The following LRRC4C variants were observed in gnomAD, a reference collection of about 807,000 sequenced individuals.
LRRC4C encodes leucine rich repeat containing 4C.
LRRC4C carries 5 observed loss-of-function variants against 33.6 expected under a neutral mutation model. That is an observed-to-expected ratio of 0.15 (90% CI 0.08 to 0.31). The LOEUF is 0.31. Ranked by LOEUF, LRRC4C falls within the 10% of genes least tolerant of loss-of-function variation. The pLI is 1.00. For synonymous variants in LRRC4C, 329 were observed against 302.0 expected (o/e 1.09, Z -0.93); for missense variants, 560 against 796.7 (o/e 0.70, Z 3.58).
intron 4 of LRRC4C, chr11:40,293,380 T>C (rs1217718943): frequency 6.6e-6 from 1 of 151,732 alleles, no homozygotes; most frequent in African/African-American, 2.4e-5. Flanking sequence ...CTCCAGGTGT[T>C]GCAGAACTCC....
At chr11:40,318,920 A>G (rs1484648134) in intron 4 of LRRC4C, among the ~76,000 whole-genome samples, 1 of 152,192 alleles carries the variant, frequency 6.6e-6, no homozygotes, top group African/African-American at 2.4e-5. Context: ...AGGTGGAAAA[A>G]ATTTTGCCTA....
Position 41,002,817 on chromosome 11 carries a change from T to C in LRRC4C, c.-495-69094A>G, listed in dbSNP as rs1220060873. Among the ~76,000 whole-genome samples, 3 of 152,104 alleles carry C rather than the reference T, an allele frequency of 2.0e-5. 1 individual carries two copies. Among genetic ancestry groups the C allele is most frequent in the East Asian group, 1.9e-4 (1 of 5,186 alleles). On this transcript the variant is annotated intron_variant, in intron 1 of 6. Coordinates refer to ENST00000528697, the MANE Select transcript of LRRC4C (RefSeq NM_001258419.2). The stretch of plus-strand genomic sequence containing the variant: ...GTAGTATGGAGAAATGCTCAGGATA[T>C]GTGTTAAGTGAAAAAAGCAGAAGAT...
chr11:41,118,413 A>G (rs1427770480), intron 1 of LRRC4C, among the ~76,000 whole-genome samples: 1 of 152,196 alleles, frequency 6.6e-6, no homozygotes, highest in Non-Finnish European at 1.5e-5. Flanking sequence ...GGTGGGAGCT[A>G]GAATCAAAGA....
intron 6 of LRRC4C, among the ~76,000 whole-genome samples, chr11:40,140,209 G>A (rs2081562523): frequency 6.6e-6 from 1 of 152,162 alleles, no homozygotes; most frequent in South Asian, 2.1e-4. Flanking sequence ...ATTTAATGAT[G>A]ATACAATAAA....
intron 1 of LRRC4C, among the ~76,000 whole-genome samples, chr11:41,003,396 A>T (rs1378497857): frequency 6.6e-6 from 1 of 152,190 alleles, no homozygotes; most frequent in African/African-American, 2.4e-5. Context: ...ACAAGATAGT[A>T]TTCATATAAA....
At chr11:40,877,059 G>GT (rs1954931304) in intron 2 of LRRC4C, among the ~76,000 whole-genome samples, 1 of 152,074 alleles carries the variant, frequency 6.6e-6, no homozygotes, top group African/African-American at 2.4e-5. Flanking sequence ...GCAAACAGAT[G>GT]TAAGGGCATG....
chr11:41,393,842 G>A (rs1953698987), intron 1 of LRRC4C, among the ~76,000 whole-genome samples: 1 of 151,960 alleles, frequency 6.6e-6, no homozygotes, highest in Non-Finnish European at 1.5e-5. Flanking sequence ...TAGTATTAGT[G>A]CTGCTAGCAT....
intron 3 of LRRC4C, among the ~76,000 whole-genome samples, chr11:40,332,052 T>A (rs995577206): frequency 1.3e-5 from 2 of 152,250 alleles, no homozygotes; most frequent in Non-Finnish European, 2.9e-5. Context: ...ATTTCTGTGA[T>A]GAAGCTTTTT....
intron 2 of LRRC4C, among the ~76,000 whole-genome samples, chr11:40,778,431 G>C (rs1312467463): frequency 6.6e-6 from 1 of 152,166 alleles, no homozygotes; most frequent in Non-Finnish European, 1.5e-5. Flanking sequence ...GTGCAAAATG[G>C]TTGAATCTTT....
rs77270339 is a variant in LRRC4C, at chr11:40,791,705, G to A, written c.-407+141930C>T. Among the ~76,000 whole-genome samples the A allele has an allele frequency of 7.6e-4, 115 of 152,214 alleles. 2 individuals are homozygous for A. The East Asian group carries it at 0.02, about 27-fold the overall frequency. ...TTCATCGTGATCTATGAGTGGGAGG[G>A]GGATTGTGGAAAGAAAATAAAGCAG... On this transcript the variant is annotated intron_variant, in intron 2 of 6. Coordinates refer to ENST00000528697, the MANE Select transcript of LRRC4C (RefSeq NM_001258419.2).
intron 1 of LRRC4C, among the ~76,000 whole-genome samples, chr11:41,331,934 T>C (rs1951308253): frequency 6.6e-6 from 1 of 152,220 alleles, no homozygotes. Context: ...ACAGCCACTC[T>C]ATCTAAAATT....
In LRRC4C at chr11:40,783,291, T is replaced by C. The variant is rs181843643; in HGVS notation, c.-406-135013A>G. Among the ~76,000 whole-genome samples the C allele has an allele frequency of 2.8e-3, 423 of 151,774 alleles. 1 individual carries two copies. Among genetic ancestry groups the C allele is most frequent in the African/African-American group, 8.7e-3 (359 of 41,382 alleles). ...CACTGTTTTATTTTATTTTATTTTATTTTATTTTATTTTTTATTTTTTGAG... is the reference window on the plus strand; with the variant it reads ...CACTGTTTTATTTTATTTTATTTTACTTTATTTTATTTTTTATTTTTTGAG... On this transcript the variant is annotated intron_variant, in intron 2 of 6. Transcript: ENST00000528697.
At chr11:41,001,862 C>CA (rs1432128969) in intron 1 of LRRC4C, among the ~76,000 whole-genome samples, 7 of 91,942 alleles carry the variant, frequency 7.6e-5, no homozygotes, top group African/African-American at 2.8e-4. Flanking sequence ...TGGTCTGTGA[C>CA]ATTTTTTTTT....
intron 1 of LRRC4C, among the ~76,000 whole-genome samples, chr11:41,296,786 C>T (rs971907921): frequency 3.3e-5 from 5 of 151,976 alleles, no homozygotes; most frequent in African/African-American, 4.8e-5. Context: ...TCTTTATGTC[C>T]GGAAGAAAAA....
intron 1 of LRRC4C, chr11:41,222,877 G>GTGTGTACT (rs1947370182): frequency 6.6e-6 from 1 of 151,226 alleles, no homozygotes; most frequent in East Asian, 1.9e-4. Flanking sequence ...CCAGGCTGGG[G>GTGTGTACT]TGTGTACTTT....
At chr11:41,387,204 C>T (rs368776606) in intron 1 of LRRC4C, among the ~76,000 whole-genome samples, 1 of 151,104 alleles carries the variant, frequency 6.6e-6, no homozygotes, top group Non-Finnish European at 1.5e-5. Context: ...GAGATGATAA[C>T]TTTTTTTTAA....
intron 2 of LRRC4C, among the ~76,000 whole-genome samples, chr11:40,881,659 CTTTTT>C (rs57939811): frequency 1.4e-5 from 2 of 145,374 alleles, no homozygotes; most frequent in African/African-American, 5.0e-5. Context: ...TAGTTTTTTT[CTTTTT>C]TTTTTTTACT....
At chr11:40,558,488 A>G (rs1957416548) in intron 3 of LRRC4C, among the ~76,000 whole-genome samples, 1 of 152,184 alleles carries the variant, frequency 6.6e-6, no homozygotes, top group Non-Finnish European at 1.5e-5. Flanking sequence ...CCCAGAAGAA[A>G]AATGTTTTAT....
intron 1 of LRRC4C, among the ~76,000 whole-genome samples, chr11:41,259,173 G>A (rs745484367): frequency 5.9e-5 from 9 of 151,878 alleles, no homozygotes; most frequent in Non-Finnish European, 1.2e-4. Context: ...TGGTGAGTTC[G>A]AACTTCTCAA....
Sources: gnomAD v4.1 joint callset for allele counts (sites outside exome capture counted in the v4.1 genomes callset) on GRCh38, gnomAD v4.1.1 for gene constraint, MANE v1.5 for transcripts, NCBI Gene and HGNC (gene_info 2026-07-23, HGNC 2026-07-21) for gene names.